The following CHN1 variants were observed in gnomAD, a reference collection of about 807,000 sequenced individuals.
CHN1 encodes chimerin 1, also known as N-chimaerin.
CHN1 carries 37 observed loss-of-function variants against 59.5 expected under a neutral mutation model. The ratio of observed to expected loss-of-function variants is 0.62; its 90% CI spans 0.48 to 0.82. CHN1 has a LOEUF of 0.82. Among genes scored for constraint, CHN1 ranks in the 40% least tolerant of loss-of-function variants. The pLI, the probability that CHN1 is intolerant of heterozygous loss-of-function variation, is 0.00. For synonymous variants in CHN1, 206 were observed against 200.4 expected, an observed-to-expected ratio of 1.03 and a Z score of -0.24; for missense variants, 469 against 571.0, an observed-to-expected ratio of 0.82 and a Z score of 1.82.
intron 7 of CHN1, among the ~76,000 whole-genome samples, chr2:174,840,366 A>C (rs1254131053): frequency 6.6e-6 from 1 of 151,844 alleles, no homozygotes; most frequent in African/African-American, 2.4e-5. Flanking sequence ...AGGTCTCTCT[A>C]TGTTGCCCAG....
intron 6 of CHN1, among the ~76,000 whole-genome samples, chr2:174,876,847 TCTCA>T (rs1687579397): frequency 6.6e-6 from 1 of 152,312 alleles, no homozygotes; most frequent in African/African-American, 2.4e-5. Context: ...ACGCTTGCTA[TCTCA>T]CTCACTCCTC....
chr2:174,980,192 T>C (rs1298733078), intron 1 of CHN1, among the ~76,000 whole-genome samples: 1 of 152,182 alleles, frequency 6.6e-6, no homozygotes, highest in Non-Finnish European at 1.5e-5. Flanking sequence ...CACCCTCTGC[T>C]ATCTCTAATT....
chr2:174,909,460 G>C (rs1418676051), intron 5 of CHN1, among the ~76,000 whole-genome samples: 1 of 152,148 alleles, frequency 6.6e-6, no homozygotes, highest in East Asian at 1.9e-4. Context: ...AATGGGAAAG[G>C]CAGACTCATG....
chr2:174,811,402 A>C, intron 10 of CHN1, 109 bp downstream of exon 10: 1 of 674,116 alleles, frequency 1.5e-6, no homozygotes, highest in Non-Finnish European at 2.5e-6. Flanking sequence ...TTGGTATAAT[A>C]ATCATCAATG....
chr2:174,929,422 A>G (rs1293463774), intron 3 of CHN1, among the ~76,000 whole-genome samples: 1 of 152,092 alleles, frequency 6.6e-6, no homozygotes, highest in Non-Finnish European at 1.5e-5. Flanking sequence ...TACTAAAAAT[A>G]CAAAAATTAG....
chr2:174,922,563 T>C (rs968901734), intron 3 of CHN1, among the ~76,000 whole-genome samples: 3 of 152,068 alleles, frequency 2.0e-5, no homozygotes, highest in African/African-American at 7.2e-5. Context: ...TGGTGGCACA[T>C]GCCTGTAGTC....
At chr2:174,816,458 C>G (rs1685269940) in intron 8 of CHN1, among the ~76,000 whole-genome samples, 2 of 152,224 alleles carry the variant, frequency 1.3e-5, no homozygotes, top group Non-Finnish European at 2.9e-5. Context: ...GAAGGTATGA[C>G]TGAAAGGTTT....
chr2:174,931,957 G>T (rs570949129), intron 3 of CHN1, among the ~76,000 whole-genome samples: 6 of 152,178 alleles, frequency 3.9e-5, no homozygotes, highest in Non-Finnish European at 8.8e-5. Context: ...AGTAAGAGAT[G>T]AGTTAGAGAG....
At chr2:174,870,651 T>C (rs988634222) in intron 6 of CHN1, among the ~76,000 whole-genome samples, 3 of 152,342 alleles carry the variant, frequency 2.0e-5, no homozygotes, top group South Asian at 4.1e-4. Flanking sequence ...AACTGCTTGA[T>C]AGTCTCATCT....
intron 1 of CHN1, among the ~76,000 whole-genome samples, chr2:174,954,353 A>G (rs1375001375): frequency 6.6e-6 from 1 of 152,164 alleles, no homozygotes; most frequent in African/African-American, 2.4e-5. Flanking sequence ...AGAAGATAAC[A>G]TTGGAAAACC....
In CHN1 at chr2:174,910,474, T is replaced by C. The variant is rs375265399; in HGVS notation, c.260+4584A>G. On this transcript the variant is annotated intron_variant, in intron 5 of 12. Coordinates refer to ENST00000409900, the MANE Select transcript of CHN1 (RefSeq NM_001822.7). The stretch of plus-strand genomic sequence containing the variant: ...CAATACATGGATGACTTAGGAGAAA[T>C]AATAGTAAGATCCTAATTTTAGGCT... 2.0e-5 allele frequency among the ~76,000 whole-genome samples: 3 copies of C among 151,944 alleles called. No individual in the cohort carries two copies. The East Asian group carries it at 5.8e-4, about 29-fold the overall frequency.
At chr2:174,869,129 C>T (rs1687319912) in intron 6 of CHN1, among the ~76,000 whole-genome samples, 1 of 152,156 alleles carries the variant, frequency 6.6e-6, no homozygotes, top group Non-Finnish European at 1.5e-5. Flanking sequence ...AGAGCAGAGG[C>T]TCTTCTCCCT....
intron 7 of CHN1, among the ~76,000 whole-genome samples, chr2:174,832,462 T>A (rs1685911959): frequency 6.6e-6 from 1 of 152,096 alleles, no homozygotes; most frequent in Non-Finnish European, 1.5e-5. Context: ...AATTTCCTGA[T>A]AAGTACTACT....
intron 6 of CHN1, among the ~76,000 whole-genome samples, chr2:174,874,955 C>CTT (rs1687521898): frequency 7.0e-6 from 1 of 142,012 alleles, no homozygotes; most frequent in Non-Finnish European, 1.5e-5. Flanking sequence ...CTCATTGCAA[C>CTT]CTCCGCCTCC....
chr2:174,997,459 C>T (rs2105470314), intron 1 of CHN1, among the ~76,000 whole-genome samples: 1 of 152,308 alleles, frequency 6.6e-6, no homozygotes, highest in East Asian at 1.9e-4. Flanking sequence ...ATAATCTTTT[C>T]ATGCTAAAAG....
chr2:174,894,412 C>G (rs1054822284), intron 5 of CHN1, among the ~76,000 whole-genome samples: 1 of 151,906 alleles, frequency 6.6e-6, no homozygotes, highest in African/African-American at 2.4e-5. Context: ...AAATCAAAAC[C>G]ATAATGAGAT....
At chr2:174,997,535 G>A (rs1042770765) in intron 1 of CHN1, among the ~76,000 whole-genome samples, 3 of 152,088 alleles carry the variant, frequency 2.0e-5, no homozygotes, top group Non-Finnish European at 4.4e-5. Context: ...ATGTTTAATA[G>A]TGTAAATTTC....
chr2:174,923,330 C>T (rs71419405), intron 3 of CHN1, among the ~76,000 whole-genome samples: 6,808 of 152,020 alleles, frequency 0.045, 212 homozygotes, highest in African/African-American at 0.083. Context: ...TTAGTAGAGA[C>T]GGGGTTTCAC....
At chr2:174,842,440 C>T (rs1251848742) in intron 7 of CHN1, among the ~76,000 whole-genome samples, 1 of 152,066 alleles carries the variant, frequency 6.6e-6, no homozygotes, top group East Asian at 1.9e-4. Flanking sequence ...AAATGGAATA[C>T]TTGTAATAAA....
Sources: gnomAD v4.1 joint callset for allele counts (sites outside exome capture counted in the v4.1 genomes callset) on GRCh38, gnomAD v4.1.1 for gene constraint, MANE v1.5 for transcripts, NCBI Gene and HGNC (gene_info 2026-07-23, HGNC 2026-07-21) for gene names.